The following IGSF10 variants were observed in gnomAD, a reference collection of about 807,000 sequenced individuals.
The protein encoded by IGSF10 is immunoglobulin superfamily member 10, also known as calvaria mechanical force protein 608.
A neutral mutation model predicts 128.2 loss-of-function variants in IGSF10; 126 were observed. The observed-to-expected ratio is 0.98, with a 90% CI of 0.85 to 1.14. IGSF10 has a LOEUF of 1.14. IGSF10 is among the 50% of genes most tolerant of loss of function. The pLI is 0.00. For synonymous variants in IGSF10, 1,185 were observed against 1,146.2 expected (o/e 1.03, Z -0.68); for missense variants, 3,295 against 3,149.8 (o/e 1.05, Z -1.10).
At chr3:151,498,224 G>A in the IGSF10 span, among the ~76,000 whole-genome samples, 1 of 152,142 alleles carries the variant, frequency 6.6e-6, no homozygotes, top group Non-Finnish European at 1.5e-5. Context: ...AATAGGAGTG[G>A]TGAGAGAGGG....
At chr3:151,606,387 C>T in the IGSF10 span, among the ~76,000 whole-genome samples, 3 of 152,134 alleles carry the variant, frequency 2.0e-5, no homozygotes, top group African/African-American at 4.8e-5. Flanking sequence ...AATTGTCTTA[C>T]TAAGTGAGGG....
At position 151,444,901 on chromosome 3, in the gene IGSF10, A is replaced by G. The variant is rs1466549494; in HGVS notation, c.5062+18T>C. 1 of 1,546,714 alleles carries G rather than the reference A, an allele frequency of 6.5e-7. No homozygotes were observed. Among genetic ancestry groups the G allele is most frequent in the Non-Finnish European group, 8.7e-7 (1 of 1,150,378 alleles). ...GTTTTCTAACAAAAACTAAGTGTAA[A>G]GAAAAAGTTTCACATACCTGATGGG... On this transcript the variant is annotated intron_variant, in intron 6 of 7. Transcript: ENST00000282466.
At chr3:151,598,652 T>C in the IGSF10 span, among the ~76,000 whole-genome samples, 1 of 152,248 alleles carries the variant, frequency 6.6e-6, no homozygotes, top group Non-Finnish European at 1.5e-5. Flanking sequence ...ACACAGTATT[T>C]AGGGAATAAT....
intron 7 of IGSF10, among the ~76,000 whole-genome samples, chr3:151,439,491 G>T (rs1316455146): frequency 1.3e-5 from 2 of 152,198 alleles, no homozygotes; most frequent in Middle Eastern, 6.3e-3. Flanking sequence ...GCACATGCCT[G>T]TGATCCCAGC....
At chr3:151,466,087 C>T in the IGSF10 span, among the ~76,000 whole-genome samples, 11 of 152,160 alleles carry the variant, frequency 7.2e-5, no homozygotes, top group South Asian at 4.1e-4. Context: ...TCTGAATCTG[C>T]GGTATTTCTG....
At chr3:151,614,603 T>C in the IGSF10 span, among the ~76,000 whole-genome samples, 1,689 of 151,408 alleles carry the variant, frequency 0.011, 32 homozygotes, top group African/African-American at 0.039. Context: ...CTGTCACTCA[T>C]AGGTGGGAAT....
chr3:151,465,323 G>C (rs1722241982), upstream of IGSF10, among the ~76,000 whole-genome samples: 1 of 152,216 alleles, frequency 6.6e-6, no homozygotes. Flanking sequence ...GGCAGAAGGA[G>C]CACAAGAATG....
rs76216682 is a variant in IGSF10 at position 151,451,557 on chromosome 3, G to T, written c.715+1827C>A. 1.9e-3 allele frequency among the ~76,000 whole-genome samples: 291 copies of T among 152,154 alleles called. 4 individuals are homozygous for T. In the East Asian group the frequency reaches 0.019, roughly 10 times the overall value. ...ATTCTGTGACCATGTTTTTTTGTTT[G>T]TTTTTTCACATTTCAACTTATAAAT... is the stretch of plus-strand genomic sequence containing the variant. On this transcript the variant is annotated intron_variant, in intron 5 of 7. Coordinates refer to ENST00000282466, the MANE Select transcript of IGSF10 (RefSeq NM_178822.5).
At chr3:151,563,264 C>G in the IGSF10 span, among the ~76,000 whole-genome samples, 1 of 152,130 alleles carries the variant, frequency 6.6e-6, no homozygotes, top group African/African-American at 2.4e-5. Context: ...CTACCTGGTA[C>G]TGCTTGCTAA....
chr3:151,511,614 A>C, the IGSF10 span, among the ~76,000 whole-genome samples: 12 of 152,162 alleles, frequency 7.9e-5, no homozygotes, highest in Admixed American at 6.5e-4. Flanking sequence ...CACACATAAC[A>C]ATACTAACCT....
the IGSF10 span, among the ~76,000 whole-genome samples, chr3:151,532,525 A>G: frequency 6.6e-6 from 1 of 152,174 alleles, no homozygotes; most frequent in East Asian, 1.9e-4. Flanking sequence ...AGTTCAACAT[A>G]CCCAAATTAA....
At chr3:151,503,787 G>T in the IGSF10 span, among the ~76,000 whole-genome samples, 1 of 152,146 alleles carries the variant, frequency 6.6e-6, no homozygotes, top group African/African-American at 2.4e-5. Context: ...GTTTTTTAAA[G>T]ATAGTTTGGC....
rs967058408 is a variant in IGSF10, at chr3:151,438,533, CTT to C, written c.6026_6027del (p.Lys2009ArgfsTer16). The C allele has an allele frequency of 6.2e-7, 1 of 1,614,000 alleles. No homozygotes were observed. Among genetic ancestry groups the C allele is most frequent in the Non-Finnish European group, 8.5e-7 (1 of 1,180,032 alleles). ...GSLFIGSVTE[K>X]DSGVYLCVAR... is the part of the protein sequence containing the mutation. Reference sequence around the variant, plus strand: ...GCCACACACAAGTAGACACCACTGTCTTTTTCTGTTACTGATCCAATAAACAG... The same window carrying C: ...GCCACACACAAGTAGACACCACTGTCTTTCTGTTACTGATCCAATAAACAG... On this transcript the variant is annotated frameshift_variant, in exon 8 of 8. Coordinates refer to ENST00000282466, the MANE Select transcript of IGSF10 (RefSeq NM_178822.5). LOFTEE classifies it low-confidence loss of function (END_TRUNC).
At chr3:151,617,225 CT>C in the IGSF10 span, among the ~76,000 whole-genome samples, 1 of 126,134 alleles carries the variant, frequency 7.9e-6, no homozygotes, top group Non-Finnish European at 1.6e-5. Flanking sequence ...CTTCTTCCCC[CT>C]CTTCTTCTTC....
chr3:151,487,716 A>G, the IGSF10 span, among the ~76,000 whole-genome samples: 1 of 152,170 alleles, frequency 6.6e-6, no homozygotes, highest in African/African-American at 2.4e-5. Flanking sequence ...CATAAACAGA[A>G]CCACTGACAA....
At chr3:151,610,716 C>T in the IGSF10 span, among the ~76,000 whole-genome samples, 1 of 152,082 alleles carries the variant, frequency 6.6e-6, no homozygotes, top group Non-Finnish European at 1.5e-5. Flanking sequence ...GCATATGGTT[C>T]TGGAGGCTGG....
At chr3:151,524,032 C>T in the IGSF10 span, among the ~76,000 whole-genome samples, 1 of 152,038 alleles carries the variant, frequency 6.6e-6, no homozygotes, top group African/African-American at 2.4e-5. Flanking sequence ...TACAAGTGGC[C>T]AAGAAGCATA....
the IGSF10 span, among the ~76,000 whole-genome samples, chr3:151,587,670 C>T: frequency 6.6e-6 from 1 of 152,186 alleles, no homozygotes. Flanking sequence ...TGTGTCCCCA[C>T]CCAAATCTCA....
Position 151,445,535 on chromosome 3 carries a change from AGTAAAGG to A in IGSF10, c.4439_4445del (p.Pro1480LeufsTer17). On this transcript the variant is annotated frameshift_variant, in exon 6 of 8. Transcript: ENST00000282466. LOFTEE classifies it high-confidence loss of function. ...CCACGTTGTCAGTAACTGCTCTCTGAGTAAAGGGAGGGGAGATGGGAACTGGCATTAG... is the reference window on the plus strand; with the variant it reads ...CCACGTTGTCAGTAACTGCTCTCTGAGAGGGGAGATGGGAACTGGCATTAG... 6.2e-7 allele frequency: 1 copy of A among 1,614,126 alleles called. No homozygotes were observed. Among genetic ancestry groups the A allele is most frequent in the Non-Finnish European group, 8.5e-7 (1 of 1,180,014 alleles).
Sources: allele counts gnomAD v4.1 joint callset (sites outside exome capture counted in the v4.1 genomes callset), GRCh38; gene constraint gnomAD v4.1.1; transcripts MANE v1.5; gene names NCBI Gene and HGNC (gene_info 2026-07-23, HGNC 2026-07-21).